Variants in KCNAB1 observed in about 807,000 individuals in gnomAD.
KCNAB1 encodes the protein potassium voltage-gated channel subfamily A regulatory beta subunit 1, also known as voltage-gated potassium channel subunit beta-1.
Under a neutral mutation model 64.6 loss-of-function variants are expected in KCNAB1, and 35 were observed. That is an observed-to-expected ratio of 0.54 (90% CI 0.41 to 0.72). The LOEUF is 0.72. Ranked by LOEUF, KCNAB1 falls within the 30% of genes least tolerant of loss-of-function variation. The pLI, the probability that KCNAB1 is intolerant of heterozygous loss-of-function variation, is 0.00. For synonymous variants in KCNAB1, 177 were observed against 183.8 expected, an observed-to-expected ratio of 0.96 and a Z score of 0.30; for missense variants, 401 against 512.9, an observed-to-expected ratio of 0.78 and a Z score of 2.11.
chr3:156,525,428 C>T (rs1403359707), intron 12 of KCNAB1, among the ~76,000 whole-genome samples: 1 of 151,704 alleles, frequency 6.6e-6, no homozygotes, highest in Non-Finnish European at 1.5e-5. Flanking sequence ...AAGCTTATAA[C>T]AATATAAAGA....
chr3:156,129,367 C>T (rs1032541258), intron 1 of KCNAB1, among the ~76,000 whole-genome samples: 1 of 152,160 alleles, frequency 6.6e-6, no homozygotes, highest in Non-Finnish European at 1.5e-5. Flanking sequence ...AAAATTTAGC[C>T]TTAGCTATAC....
In KCNAB1 at chr3:156,278,811, C is replaced by T. The variant is rs79466664; in HGVS notation, c.276-142805C>T. ...GTCTCAGAGACAAAAGTTCAGCATGCTTTCAAAAAAAAATGCTACATCATC... is the reference window on the plus strand; with the variant it reads ...GTCTCAGAGACAAAAGTTCAGCATGTTTTCAAAAAAAAATGCTACATCATC... On this transcript the variant is annotated intron_variant, in intron 1 of 13. Coordinates refer to ENST00000490337, the MANE Select transcript of KCNAB1 (RefSeq NM_172160.3). Among the ~76,000 whole-genome samples the T allele has an allele frequency of 9.6e-4, 145 of 151,728 alleles. 1 individual carries two copies. The East Asian group carries it at 0.026, about 27-fold the overall frequency.
chr3:156,127,884 G>GTGTGTGT (rs1553805265), intron 1 of KCNAB1, among the ~76,000 whole-genome samples: 2 of 147,556 alleles, frequency 1.4e-5, no homozygotes, highest in South Asian at 2.2e-4. Flanking sequence ...CTTCATTTGG[G>GTGTGTGT]GTGTGTGTGT....
At chr3:156,459,166 C>T (rs1000605012) in intron 4 of KCNAB1, among the ~76,000 whole-genome samples, 2 of 152,186 alleles carry the variant, frequency 1.3e-5, no homozygotes, top group African/African-American at 4.8e-5. Context: ...GGACATAGAA[C>T]ATTTGTCTCC....
chr3:156,485,473 A>C (rs1715136652), intron 8 of KCNAB1, among the ~76,000 whole-genome samples: 1 of 152,116 alleles, frequency 6.6e-6, no homozygotes, highest in South Asian at 2.1e-4. Context: ...ATCATACTCA[A>C]GAATATTCAA....
rs775057062 is a variant in KCNAB1 at position 156,457,458 on chromosome 3, T to G, written c.363T>G (p.Ala121=). Residue 121 remains alanine, a synonymous_variant, in exon 4 of 14, where the codon GCT becomes GCG. Coordinates refer to ENST00000490337, the MANE Select transcript of KCNAB1 (RefSeq NM_172160.3). ...ACCTTTCTCTCCCCTTGCAGGTTGC[T>G]GAACGGCTGATGACCATCGCCTATG... The part of the protein sequence containing the change: ...TFGGQISDEV[A]ERLMTIAYES... 6.2e-7 allele frequency: 1 copy of G among 1,613,882 alleles called. No individual in the cohort carries two copies. Among genetic ancestry groups the G allele is most frequent in the Non-Finnish European group, 8.5e-7 (1 of 1,179,784 alleles).
intron 1 of KCNAB1, among the ~76,000 whole-genome samples, chr3:156,259,428 C>G (rs962077826): frequency 6.6e-6 from 1 of 152,122 alleles, no homozygotes; most frequent in African/African-American, 2.4e-5. Flanking sequence ...CTTTCCACAC[C>G]CTGCAAATGT....
chr3:156,253,342 C>T lies in KCNAB1; in HGVS notation c.275+132456C>T, dbSNP rs112765430. Among the ~76,000 whole-genome samples the T allele has an allele frequency of 7.7e-3, 1,173 of 152,288 alleles. 15 individuals carry two copies. Among genetic ancestry groups the T allele is most frequent in the African/African-American group, 0.027 (1,122 of 41,562 alleles). Reference sequence around the variant, plus strand: ...GGCTGAAACAAAGGCTTTCACATCCCCTCCCCACAAGGTCCTTTGGGCTCC... The same window carrying T: ...GGCTGAAACAAAGGCTTTCACATCCTCTCCCCACAAGGTCCTTTGGGCTCC... On this transcript the variant is annotated intron_variant, in intron 1 of 13. Coordinates refer to ENST00000490337, the MANE Select transcript of KCNAB1 (RefSeq NM_172160.3).
intron 8 of KCNAB1, among the ~76,000 whole-genome samples, chr3:156,487,751 C>T (rs963289534): frequency 5.3e-5 from 8 of 152,180 alleles, no homozygotes; most frequent in East Asian, 1.9e-4. Flanking sequence ...ATTGTATCAT[C>T]GCCTTTGAAA....
chr3:156,314,624 C>T (rs541210548), intron 1 of KCNAB1, among the ~76,000 whole-genome samples: 7 of 152,322 alleles, frequency 4.6e-5, no homozygotes, highest in African/African-American at 1.7e-4. Flanking sequence ...ATGCCAAATG[C>T]CTATTTTCTG....
rs74568816 is a variant in KCNAB1, at chr3:156,407,274, C to G, written c.276-14342C>G. 3.1e-3 allele frequency among the ~76,000 whole-genome samples: 479 copies of G among 152,284 alleles called. 5 individuals carry two copies. The highest frequency in any genetic ancestry group is 0.011 in the African/African-American group (470 of 41,572). On this transcript the variant is annotated intron_variant, in intron 1 of 13. Coordinates refer to ENST00000490337, the MANE Select transcript of KCNAB1 (RefSeq NM_172160.3). ...TCATGTTATCTCTGCTTGAAATTCT[C>G]TTCCCCAAGGTATTTCCAAGGCTGG...
chr3:156,216,498 T>G (rs933703223), intron 1 of KCNAB1, among the ~76,000 whole-genome samples: 6 of 152,232 alleles, frequency 3.9e-5, no homozygotes, highest in Non-Finnish European at 7.3e-5. Flanking sequence ...AAGAGATGGT[T>G]GGAAATAAGC....
intron 1 of KCNAB1, among the ~76,000 whole-genome samples, chr3:156,350,702 G>A (rs1724801126): frequency 6.6e-6 from 1 of 152,166 alleles, no homozygotes; most frequent in Admixed American, 6.5e-5. Flanking sequence ...TAAAAATAAA[G>A]CATTTCAGAA....
intron 1 of KCNAB1, among the ~76,000 whole-genome samples, chr3:156,235,041 G>GGA (rs1455258204): frequency 6.6e-6 from 1 of 152,166 alleles, no homozygotes; most frequent in Admixed American, 6.5e-5. Context: ...CTGTGGTGAG[G>GGA]GAACTGGGCT....
intron 1 of KCNAB1, among the ~76,000 whole-genome samples, chr3:156,258,725 T>G (rs1218679686): frequency 6.6e-6 from 1 of 152,220 alleles, no homozygotes; most frequent in Non-Finnish European, 1.5e-5. Flanking sequence ...CATGCAACGT[T>G]AAATAACTCA....
chr3:156,478,089 T>G (rs367633369), intron 8 of KCNAB1, among the ~76,000 whole-genome samples: 3 of 152,212 alleles, frequency 2.0e-5, no homozygotes, highest in African/African-American at 7.2e-5. Context: ...TCTATTGGCG[T>G]TAATTAATTA....
chr3:156,465,045 A>G (rs1426217945), intron 6 of KCNAB1, among the ~76,000 whole-genome samples: 1 of 152,238 alleles, frequency 6.6e-6, no homozygotes, highest in African/African-American at 2.4e-5. Flanking sequence ...TGTTATGGAT[A>G]CTTTAAAATT....
intron 8 of KCNAB1, among the ~76,000 whole-genome samples, chr3:156,500,285 G>A (rs1319345164): frequency 6.6e-6 from 1 of 152,200 alleles, no homozygotes; most frequent in African/African-American, 2.4e-5. Context: ...AGAGTGGAGG[G>A]TTAGACAAAA....
intron 8 of KCNAB1, among the ~76,000 whole-genome samples, chr3:156,502,088 G>A (rs1186072482): frequency 2.0e-5 from 3 of 152,094 alleles, no homozygotes; most frequent in African/African-American, 4.8e-5. Context: ...TTTGGGTGGG[G>A]ACACAGCCAA....
Sources: gnomAD v4.1 joint callset for allele counts (sites outside exome capture counted in the v4.1 genomes callset) on GRCh38, gnomAD v4.1.1 for gene constraint, MANE v1.5 for transcripts, NCBI Gene and HGNC (gene_info 2026-07-23, HGNC 2026-07-21) for gene names.